Variants in IL31RA observed in about 807,000 individuals in gnomAD.
The protein encoded by IL31RA is interleukin 31 receptor A, also known as interleukin-31 receptor subunit alpha.
A neutral mutation model predicts 83.7 loss-of-function variants in IL31RA; 66 were observed. The ratio of observed to expected loss-of-function variants is 0.79; its 90% CI spans 0.65 to 0.97. IL31RA has a LOEUF of 0.97. Ranked by LOEUF, IL31RA falls within the 50% of genes least tolerant of loss-of-function variation. IL31RA has a pLI of 0.00. For synonymous variants in IL31RA, 325 were observed against 329.0 expected (o/e 0.99, Z 0.13); for missense variants, 798 against 919.4 (o/e 0.87, Z 1.71).
In IL31RA at chr5:55,916,656, C is replaced by G. The variant is rs377463282; in HGVS notation, c.1831C>G (p.Leu611Val). 54 of 1,613,828 alleles carry G rather than the reference C, an allele frequency of 3.3e-5. No individual in the cohort carries two copies. Among genetic ancestry groups the G allele is most frequent in the Non-Finnish European group, 4.2e-5 (50 of 1,179,878 alleles). ...HGDDFKDKLN[L>V]KESDDSVNTE... is the part of the protein sequence containing the mutation. ...TTTTCTTTTCCAGGATAAGCTAAAC[C>G]TGAAGGAGTCTGATGACTCTGTGAA... is the stretch of plus-strand genomic sequence containing the variant. The change falls in exon 15 of 15, where the codon CTG (leucine) becomes GTG (valine). Residue 611 changes from leucine to valine, a missense_variant. Physicochemically the swap from Leu to Val is conservative, Grantham distance 32. Coordinates refer to ENST00000652347, the MANE Select transcript of IL31RA (RefSeq NM_139017.7).
At chr5:55,897,091 C>T (rs1748451026) in intron 7 of IL31RA, among the ~76,000 whole-genome samples, 1 of 125,238 alleles carries the variant, frequency 8.0e-6, no homozygotes, top group African/African-American at 3.0e-5. Flanking sequence ...CTCGAGAGAT[C>T]CTCCCACCTT....
At chr5:55,896,452 TTC>T (rs771701544) in intron 7 of IL31RA, 23 bp downstream of exon 7, 9 of 1,491,722 alleles carry the variant, frequency 6.0e-6, no homozygotes, top group Non-Finnish European at 7.5e-6. Context: ...TGGATTCTTT[TTC>T]TCTCTCTTTC....
upstream of IL31RA, among the ~76,000 whole-genome samples, chr5:55,849,138 A>G (rs976321962): frequency 3.3e-5 from 5 of 152,218 alleles, no homozygotes; most frequent in African/African-American, 1.2e-4. Flanking sequence ...ACTTACCACG[A>G]ATAACAGCAA....
At chr5:55,888,055 C>CA (rs1747745923) in intron 5 of IL31RA, among the ~76,000 whole-genome samples, 1 of 146,320 alleles carries the variant, frequency 6.8e-6, no homozygotes, top group East Asian at 2.0e-4. Flanking sequence ...AAAAAAAAAA[C>CA]AAAAAACCAC....
At chr5:55,881,858 G>A (rs1024307837) in intron 4 of IL31RA, among the ~76,000 whole-genome samples, 22 of 150,174 alleles carry the variant, frequency 1.5e-4, no homozygotes, top group African/African-American at 4.9e-4. Context: ...GATTATTGGC[G>A]CCCGCCACCA....
At position 55,922,063 on chromosome 5, in the gene IL31RA, G is replaced by T. The variant is rs906773123; in HGVS notation, c.*4943G>T. 1.8e-4 allele frequency among the ~76,000 whole-genome samples: 27 copies of T among 147,522 alleles called. 5 individuals carry two copies. Among genetic ancestry groups the T allele is most frequent in the Admixed American group, 1.0e-3 (15 of 14,838 alleles). ...CACTCTTATGTTGTGGCGGGGGGGGGGGGCGGTTCCTGAAGAGTGGAGTGT... is the reference window on the plus strand; with the variant it reads ...CACTCTTATGTTGTGGCGGGGGGGGTGGGCGGTTCCTGAAGAGTGGAGTGT... On this transcript the variant is annotated 3_prime_UTR_variant, in exon 15 of 15. Transcript: ENST00000652347.
Position 55,914,914 on chromosome 5 carries a change from G to A in IL31RA, c.1804G>A (p.Gly602Arg). ...TGAAAGTAGTATAGCCACATGGCATGGAGATGATTTCAAGGTAAACTCTCC... is the reference window on the plus strand; with the variant it reads ...TGAAAGTAGTATAGCCACATGGCATAGAGATGATTTCAAGGTAAACTCTCC... The part of the protein sequence containing the change: ...PAESSIATWH[G>R]DDFKDKLNLK... Residue 602 changes from glycine (G) to arginine (R), a missense_variant, in exon 14 of 15, where the codon GGA becomes AGA. By Grantham distance (125) the Gly-to-Arg change is moderately radical (BLOSUM62 -2). Coordinates refer to ENST00000652347, the MANE Select transcript of IL31RA (RefSeq NM_139017.7). 6.2e-7 allele frequency: 1 copy of A among 1,612,348 alleles called. No individual in the cohort carries two copies. The highest frequency in any genetic ancestry group is 8.5e-7 in the Non-Finnish European group (1 of 1,178,328).
rs149292835 is a variant in IL31RA at position 55,903,196 on chromosome 5, G to A, written c.1070-2910G>A. On this transcript the variant is annotated intron_variant, in intron 8 of 14. Transcript: ENST00000652347. The surrounding 1 kb of genome is among the most constrained non-coding windows in gnomAD (Gnocchi z 4.7). Reference sequence around the variant, plus strand: ...TCCCAGGCAGGGCATCGGAAAGCCCGGCCACTGTGTCATAAGGCCAGAGGA... The same window carrying A: ...TCCCAGGCAGGGCATCGGAAAGCCCAGCCACTGTGTCATAAGGCCAGAGGA... Among the ~76,000 whole-genome samples, 6 of 152,288 alleles carry A rather than the reference G, an allele frequency of 3.9e-5. No individual in the cohort carries two copies. Among genetic ancestry groups the A allele is most frequent in the Admixed American group, 1.3e-4 (2 of 15,296 alleles).
At chr5:55,898,129 T>G (rs1369333913) in intron 7 of IL31RA, among the ~76,000 whole-genome samples, 1 of 152,130 alleles carries the variant, frequency 6.6e-6, no homozygotes, top group Non-Finnish European at 1.5e-5. Flanking sequence ...AGCCATCAAG[T>G]ATGAAAACAA....
At chr5:55,863,842 C>G (rs1484843712) in intron 2 of IL31RA, among the ~76,000 whole-genome samples, 2 of 152,192 alleles carry the variant, frequency 1.3e-5, no homozygotes, top group Non-Finnish European at 2.9e-5. Flanking sequence ...ATATTTAACT[C>G]TCTTTTTAGC....
In IL31RA at chr5:55,920,891, C is replaced by G. The variant is rs1391300134; in HGVS notation, c.*3771C>G. Among the ~76,000 whole-genome samples, 4 of 152,146 alleles carry G rather than the reference C, an allele frequency of 2.6e-5. No individual in the cohort carries two copies. The highest frequency in any genetic ancestry group is 5.9e-5 in the Non-Finnish European group (4 of 68,042). On this transcript the variant is annotated 3_prime_UTR_variant, in exon 15 of 15. Transcript: ENST00000652347. ...AACAGGAGTGATTTTGACCCCCAGC[C>G]TCCAAACCTCAGACATTTGGTGATG...
At chr5:55,853,675 G>T in intron 1 of IL31RA, 1 of 1,132,258 alleles carries the variant, frequency 8.8e-7, no homozygotes, top group African/African-American at 1.6e-5. Context: ...CCCACCACGT[G>T]AATTTCTCCT....
At position 55,890,018 on chromosome 5, in the gene IL31RA, A is replaced by G. The variant is rs1747885377; in HGVS notation, c.655A>G (p.Asn219Asp). 1 of 1,614,142 alleles carries G rather than the reference A, an allele frequency of 6.2e-7. No homozygotes were observed. Among genetic ancestry groups the G allele is most frequent in the African/African-American group, 1.3e-5 (1 of 75,038 alleles). The stretch of plus-strand genomic sequence containing the variant: ...CCGTAAGGATAAAAACCAAACGTAC[A>G]ACCTCACGGGGCTGCAGCCTTTTAC... The part of the protein sequence containing the change: ...KNRKDKNQTY[N>D]LTGLQPFTEY... Residue 219 changes from asparagine to aspartate, a missense_variant, in exon 6 of 15, where the codon AAC (asparagine) becomes GAC (aspartate). By Grantham distance (23) the Asn-to-Asp change is conservative. Coordinates refer to ENST00000652347, the MANE Select transcript of IL31RA (RefSeq NM_139017.7).
Position 55,921,807 on chromosome 5 carries a change from T to C in IL31RA, c.*4687T>C, listed in dbSNP as rs113207149. Among the ~76,000 whole-genome samples the C allele has an allele frequency of 3.9e-3, 590 of 152,332 alleles. 1 individual carries two copies. Among genetic ancestry groups the C allele is most frequent in the Non-Finnish European group, 6.1e-3 (418 of 68,024 alleles). On this transcript the variant is annotated 3_prime_UTR_variant, in exon 15 of 15. Transcript: ENST00000652347. ...TACAGAATGTTCTCTGCCTCCGTGC[T>C]CCTGGGGACATTGACAGACCAGCTG...
At chr5:55,853,713 T>A in intron 1 of IL31RA, 1 of 762,290 alleles carries the variant, frequency 1.3e-6, no homozygotes, top group Non-Finnish European at 2.1e-6. Context: ...GTTAAGGGAA[T>A]CTAATCTTTT....
rs779967750 is a variant in IL31RA at position 55,906,138 on chromosome 5, G to A, written c.1102G>A (p.Val368Ile). 10 of 1,613,542 alleles carry A rather than the reference G, an allele frequency of 6.2e-6. No individual in the cohort carries two copies. Among genetic ancestry groups the A allele is most frequent in the African/African-American group, 2.7e-5 (2 of 74,468 alleles). Reference sequence around the variant, plus strand: ...GTGCATTGAGGTCATGCAGGCCTGCGTTGCTGAGGACCAGCTAGTGGTGAA... The same window carrying A: ...GTGCATTGAGGTCATGCAGGCCTGCATTGCTGAGGACCAGCTAGTGGTGAA... ...FQCIEVMQACVAEDQLVVKWQ... is the reference protein window; with the variant it reads ...FQCIEVMQACIAEDQLVVKWQ... Residue 368 changes from valine to isoleucine, a missense_variant, in exon 9 of 15, where the codon GTT (valine) becomes ATT (isoleucine). By Grantham distance (29) the Val-to-Ile change is conservative. Coordinates refer to ENST00000652347, the MANE Select transcript of IL31RA (RefSeq NM_139017.7).
At position 55,914,959 on chromosome 5, in the gene IL31RA, A is replaced by G. The variant is rs759473348; in HGVS notation, c.1818+31A>G. ...CTCTCCTGTTTTTATTAAGGAAATC[A>G]TTGCCGTGGGAGGTAGACGAGGTGA... is the stretch of plus-strand genomic sequence containing the variant. On this transcript the variant is annotated intron_variant, in intron 14 of 14. Transcript: ENST00000652347. The G allele has an allele frequency of 4.8e-5, 73 of 1,511,128 alleles. No individual in the cohort carries two copies. The East Asian group carries it at 1.5e-3, about 31-fold the overall frequency. The allele number at this position is 1,511,128 out of a possible 1,614,324, so 93.6% of individuals were successfully genotyped here. A position where few individuals can be genotyped will look rare whatever the true frequency, so the allele number is the denominator to read the frequency against.
intron 8 of IL31RA, 32 bp downstream of exon 8, chr5:55,900,164 C>T (rs1476666656): frequency 1.3e-6 from 2 of 1,489,400 alleles, no homozygotes; most frequent in Non-Finnish European, 9.4e-7. Flanking sequence ...TCCTTAGGTG[C>T]CTGGTCCCAT....
chr5:55,843,733 T>G, the IL31RA span, among the ~76,000 whole-genome samples: 26 of 152,220 alleles, frequency 1.7e-4, no homozygotes, highest in Non-Finnish European at 3.1e-4. Context: ...TCTTTATCCC[T>G]GATAACTTTT....
Sources: gnomAD v4.1 joint callset for allele counts (sites outside exome capture counted in the v4.1 genomes callset) on GRCh38, gnomAD v4.1.1 for gene constraint, Gnocchi (gnomAD v3.1) non-coding constraint, MANE v1.5 for transcripts, NCBI Gene and HGNC (gene_info 2026-07-23, HGNC 2026-07-21) for gene names.